The following PRICKLE2 variants were observed in gnomAD, a reference collection of about 807,000 sequenced individuals.
PRICKLE2 encodes the protein prickle planar cell polarity protein 2.
PRICKLE2 carries 21 observed loss-of-function variants against 81.4 expected under a neutral mutation model. The observed-to-expected ratio is 0.26, with a 90% CI of 0.18 to 0.37. The LOEUF (loss-of-function observed/expected upper bound fraction) is 0.37. Ranked by LOEUF, PRICKLE2 falls within the 10% of genes least tolerant of loss-of-function variation. The probability of loss-of-function intolerance (pLI) is 1.00; values close to 1 mark genes in which losing one functional copy is unlikely to be tolerated. For missense variants in PRICKLE2, 940 were observed against 1,109.0 expected (o/e 0.85, Z 2.16); for synonymous variants, 456 against 421.5 (o/e 1.08, Z -1.00).
intron 7 of PRICKLE2, among the ~76,000 whole-genome samples, chr3:64,134,971 G>C (rs964283877): frequency 6.6e-6 from 1 of 152,156 alleles, no homozygotes; most frequent in East Asian, 1.9e-4. Context: ...CTGCTGCCAG[G>C]ATGAGAAACC....
At chr3:64,210,362 G>T (rs895036866) in intron 1 of PRICKLE2, among the ~76,000 whole-genome samples, 6 of 152,108 alleles carry the variant, frequency 3.9e-5, no homozygotes, top group African/African-American at 1.4e-4. Context: ...CTTGACACTT[G>T]CCATGTCTGG....
At chr3:64,169,839 T>C (rs2077900204) in intron 2 of PRICKLE2, among the ~76,000 whole-genome samples, 1 of 152,162 alleles carries the variant, frequency 6.6e-6, no homozygotes, top group African/African-American at 2.4e-5. Context: ...ATATCTAAAA[T>C]GCACCTGAGC....
chr3:64,126,349 T>TGGCAGGTATGAGAAACCAC (rs2077106560), intron 7 of PRICKLE2, among the ~76,000 whole-genome samples: 1 of 152,202 alleles, frequency 6.6e-6, no homozygotes, highest in African/African-American at 2.4e-5. Context: ...CTAGAAGTCA[T>TGGCAGGTATGAGAAACCAC]GGCAGGTATG....
At chr3:64,189,029 C>T (rs879713861) in intron 2 of PRICKLE2, among the ~76,000 whole-genome samples, 5 of 152,228 alleles carry the variant, frequency 3.3e-5, no homozygotes, top group Admixed American at 3.3e-4. Context: ...GAAGTACTTG[C>T]TTTTCTATTC....
intron 7 of PRICKLE2, chr3:64,100,158 A>T: frequency 1.8e-6 from 1 of 565,392 alleles, no homozygotes; most frequent in South Asian, 2.2e-5. Flanking sequence ...GATGTATTTT[A>T]CCAGTTACTA....
chr3:64,099,869 G>A lies in PRICKLE2; in HGVS notation c.1717C>T (p.Pro573Ser). 1 of 1,614,220 alleles carries A rather than the reference G, an allele frequency of 6.2e-7. No homozygotes were observed. Among genetic ancestry groups the A allele is most frequent in the Non-Finnish European group, 8.5e-7 (1 of 1,180,040 alleles). ...ATTCCAGAGTCTTTGCTGAGGTCAG[G>A]CATGGAAAATCGGGATAGGTGCTCC... ...RQEHLSRFSMPDLSKDSGMNV... is the reference protein window; with the variant it reads ...RQEHLSRFSMSDLSKDSGMNV... The change falls in exon 8 of 8, where the codon CCT becomes TCT. Residue 573 changes from proline (P) to serine (S), a missense_variant. By Grantham distance (74) the Pro-to-Ser change is moderately conservative. Coordinates refer to ENST00000638394, the MANE Select transcript of PRICKLE2 (RefSeq NM_198859.4). The surrounding 1 kb of genome is among the most constrained non-coding windows in gnomAD (Gnocchi z 4.3).
intron 1 of PRICKLE2, chr3:64,200,158 A>ATT (rs1283150717): frequency 1.3e-5 from 2 of 152,026 alleles, no homozygotes; most frequent in African/African-American, 4.8e-5. Context: ...AACAACCACT[A>ATT]ATCTATTTTC....
intron 2 of PRICKLE2, among the ~76,000 whole-genome samples, chr3:64,263,294 C>T (rs1196600607): frequency 1.3e-5 from 2 of 152,236 alleles, no homozygotes; most frequent in East Asian, 3.9e-4. Flanking sequence ...GAGAAAGGGT[C>T]GACATGAACA....
In PRICKLE2 at chr3:64,099,968, G is replaced by A; in HGVS notation, c.1661-43C>T. 10 of 1,593,496 alleles carry A rather than the reference G, an allele frequency of 6.3e-6. No homozygotes were observed. The highest frequency in any genetic ancestry group is 8.6e-6 in the Non-Finnish European group (10 of 1,162,686). On this transcript the variant is annotated intron_variant, in intron 7 of 7. Coordinates refer to ENST00000638394, the MANE Select transcript of PRICKLE2 (RefSeq NM_198859.4). The surrounding 1 kb of genome is among the most constrained non-coding windows in gnomAD (Gnocchi z 4.3). ...GGACCACAGAGATTAATACAGATGT[G>A]CAGCAATGGGTATCACTGTCACTGC...
intron 2 of PRICKLE2, among the ~76,000 whole-genome samples, chr3:64,248,745 T>C (rs2079397526): frequency 6.6e-6 from 1 of 151,792 alleles, no homozygotes; most frequent in African/African-American, 2.4e-5. Flanking sequence ...CTAATGAACA[T>C]TCTTTGGAAA....
intron 7 of PRICKLE2, among the ~76,000 whole-genome samples, chr3:64,113,226 T>G (rs2076878968): frequency 6.6e-6 from 1 of 152,188 alleles, no homozygotes; most frequent in Non-Finnish European, 1.5e-5. Context: ...GTGTCTGCAG[T>G]GCAGCACGGG....
intron 2 of PRICKLE2, among the ~76,000 whole-genome samples, chr3:64,237,588 G>T (rs1484493138): frequency 6.6e-6 from 1 of 152,118 alleles, no homozygotes; most frequent in African/African-American, 2.4e-5. Flanking sequence ...GGAGCCTGGG[G>T]TTTTTATGGC....
intron 7 of PRICKLE2, among the ~76,000 whole-genome samples, chr3:64,137,786 C>T (rs529140363): frequency 1.3e-5 from 2 of 152,164 alleles, no homozygotes; most frequent in South Asian, 2.1e-4. Flanking sequence ...TTCATCTGGC[C>T]CCTGGTCTGT....
chr3:64,206,548 T>C (rs910200339), intron 1 of PRICKLE2, among the ~76,000 whole-genome samples: 2 of 152,174 alleles, frequency 1.3e-5, no homozygotes, highest in East Asian at 3.9e-4. Context: ...ATGAGAATAG[T>C]GTCTCTTGTT....
Position 64,147,256 on chromosome 3 carries a change from T to A in PRICKLE2, c.1234A>T (p.Thr412Ser). ...CTGAGGAGCTGCAGAGGGCTCTGGG[T>A]CTGGTTCTGCTCCATCTTGTTCCCA... The part of the protein sequence containing the change: ...HYGNKMEQNQ[T>S]QSPLQLLSQC... The change falls in exon 7 of 8, where the codon ACC (threonine) becomes TCC (serine). Residue 412 changes from threonine to serine, a missense_variant. Physicochemically the swap from Thr to Ser is moderately conservative, Grantham distance 58. Coordinates refer to ENST00000638394, the MANE Select transcript of PRICKLE2 (RefSeq NM_198859.4). The surrounding 1 kb of genome is among the most constrained non-coding windows in gnomAD (Gnocchi z 5.0). 6.2e-7 allele frequency: 1 copy of A among 1,610,002 alleles called. No individual in the cohort carries two copies. Among genetic ancestry groups the A allele is most frequent in the Non-Finnish European group, 8.5e-7 (1 of 1,177,218 alleles).
intron 7 of PRICKLE2, among the ~76,000 whole-genome samples, chr3:64,142,516 G>A (rs1441287464): frequency 6.6e-6 from 1 of 152,042 alleles, no homozygotes; most frequent in East Asian, 1.9e-4. Flanking sequence ...TTGCCACGTT[G>A]GCAAGGCTGG....
At chr3:64,154,656 G>C (rs2077599815) in intron 5 of PRICKLE2, 1 of 152,132 alleles carries the variant, frequency 6.6e-6, no homozygotes, top group Admixed American at 6.5e-5. Context: ...ACTAGGCAAT[G>C]GTTTCTTAGA....
intron 2 of PRICKLE2, among the ~76,000 whole-genome samples, chr3:64,255,983 AG>A (rs1312504217): frequency 2.0e-5 from 3 of 152,210 alleles, no homozygotes; most frequent in Non-Finnish European, 4.4e-5. Context: ...TTGGCAGGGC[AG>A]GAAAAAAGCA....
At chr3:64,265,983 ACC>A (rs1259210334) in intron 2 of PRICKLE2, among the ~76,000 whole-genome samples, 9 of 152,152 alleles carry the variant, frequency 5.9e-5, no homozygotes, top group Non-Finnish European at 1.3e-4. Context: ...TGGAAGTACA[ACC>A]CCGAAAATAA....
Sources: gnomAD v4.1 joint callset for allele counts (sites outside exome capture counted in the v4.1 genomes callset) on GRCh38, gnomAD v4.1.1 for gene constraint, Gnocchi (gnomAD v3.1) non-coding constraint, MANE v1.5 for transcripts, NCBI Gene and HGNC (gene_info 2026-07-23, HGNC 2026-07-21) for gene names.